PPP2R3A: variants seen among roughly 807,000 people sequenced by gnomAD.
PPP2R3A encodes the protein serine/threonine-protein phosphatase 2A regulatory subunit B'' subunit alpha.
PPP2R3A carries 80 observed loss-of-function variants against 106.9 expected under a neutral mutation model. The observed-to-expected ratio is 0.75, with a 90% confidence interval of 0.62 to 0.90. The LOEUF (loss-of-function observed/expected upper bound fraction) is 0.90. PPP2R3A is among the 40% of genes least tolerant of loss of function. The pLI is 0.00. For missense variants in PPP2R3A, 1,386 were observed against 1,350.4 expected (o/e 1.03, Z -0.41); for synonymous variants, 483 against 468.3 (o/e 1.03, Z -0.41).
chr3:136,126,721 G>A (rs1173550716), intron 13 of PPP2R3A, among the ~76,000 whole-genome samples: 2 of 152,302 alleles, frequency 1.3e-5, no homozygotes, highest in African/African-American at 2.4e-5. Context: ...AGCCTAACGG[G>A]GAGACACCTC....
At chr3:136,139,770 G>A (rs1444450475) in intron 13 of PPP2R3A, among the ~76,000 whole-genome samples, 3 of 151,434 alleles carry the variant, frequency 2.0e-5, no homozygotes, top group Admixed American at 1.3e-4. Flanking sequence ...TTTGGAGGCC[G>A]AGGCAGGCGG....
intron 3 of PPP2R3A, among the ~76,000 whole-genome samples, chr3:136,033,913 C>T (rs1415982093): frequency 6.6e-6 from 1 of 151,052 alleles, no homozygotes; most frequent in Non-Finnish European, 1.5e-5. Flanking sequence ...TGCTCTGATC[C>T]TGGTCATTTC....
At position 135,968,742 on chromosome 3, in the gene PPP2R3A, T is replaced by C. The variant is rs578046945; in HGVS notation, c.-441+2893T>C. ...AAAGGAATAACCACTGATACTAGTT[T>C]TGTATATCATTGTAGACATTTTTTG... On this transcript the variant is annotated intron_variant, in intron 1 of 13. Coordinates refer to ENST00000264977, the MANE Select transcript of PPP2R3A (RefSeq NM_002718.5). Among the ~76,000 whole-genome samples the C allele has an allele frequency of 6.6e-5, 10 of 152,358 alleles. No homozygotes were observed. The East Asian group carries it at 1.7e-3, about 26-fold the overall frequency.
At chr3:136,088,459 G>A (rs962834991) in intron 9 of PPP2R3A, among the ~76,000 whole-genome samples, 1 of 152,156 alleles carries the variant, frequency 6.6e-6, no homozygotes, top group African/African-American at 2.4e-5. Flanking sequence ...AGTATTCAAT[G>A]GTATATATGT....
Position 136,146,902 on chromosome 3 carries a change from T to C in PPP2R3A, c.*1736T>C, listed in dbSNP as rs576234657. 6 of 152,080 alleles carry C rather than the reference T, an allele frequency of 3.9e-5. 1 individual carries two copies. The South Asian group carries it at 1.0e-3, about 26-fold the overall frequency. 9.4% of individuals were successfully genotyped at this position (152,080 alleles called of 1,614,324 possible). ...AAAAATACTTTTCTTAGAAGCCAGA[T>C]ATGGTTTAAATGTTTTATTATCCAT... On this transcript the variant is annotated 3_prime_UTR_variant, in exon 14 of 14. Coordinates refer to ENST00000264977, the MANE Select transcript of PPP2R3A (RefSeq NM_002718.5).
At chr3:136,015,089 A>AT (rs757799427) in intron 2 of PPP2R3A, among the ~76,000 whole-genome samples, 4 of 151,812 alleles carry the variant, frequency 2.6e-5, no homozygotes, top group Non-Finnish European at 5.9e-5. Context: ...TGATCATGTG[A>AT]TTTTTGTTTT....
In PPP2R3A at chr3:136,053,466, C is replaced by T. The variant is rs77560664; in HGVS notation, c.2469+4105C>T. Among the ~76,000 whole-genome samples the T allele has an allele frequency of 1.6e-3, 238 of 152,268 alleles. 1 individual carries two copies. Among genetic ancestry groups the T allele is most frequent in the East Asian group, 0.015 (76 of 5,184 alleles). ...AAGTGGTGAAGTGAGCTCCTGTGCT[C>T]ATCAAGGCCCAGAGCAGTTGTAAAT... On this transcript the variant is annotated intron_variant, in intron 5 of 13. Coordinates refer to ENST00000264977, the MANE Select transcript of PPP2R3A (RefSeq NM_002718.5).
At chr3:136,022,707 C>A in intron 2 of PPP2R3A, 1 of 972,670 alleles carries the variant, frequency 1.0e-6, no homozygotes, top group Non-Finnish European at 1.2e-6. Flanking sequence ...ATGTTTCTAA[C>A]TTTGGTACAC....
chr3:136,099,937 A>G (rs1361801611), intron 10 of PPP2R3A, among the ~76,000 whole-genome samples: 5 of 151,286 alleles, frequency 3.3e-5, no homozygotes, highest in Admixed American at 3.3e-4. Context: ...AAAAAAAGAG[A>G]AGGAGGGAAA....
intron 7 of PPP2R3A, among the ~76,000 whole-genome samples, chr3:136,081,875 A>T (rs1029561016): frequency 6.6e-6 from 1 of 152,156 alleles, no homozygotes; most frequent in Non-Finnish European, 1.5e-5. Context: ...GTTGATGCCT[A>T]CCCCTCTTAA....
At chr3:136,087,413 A>G (rs1936980970) in intron 8 of PPP2R3A, 1 of 148,554 alleles carries the variant, frequency 6.7e-6, no homozygotes, top group Non-Finnish European at 1.5e-5. Context: ...AAATGGGAAT[A>G]TAAGAAAAGT....
chr3:135,998,517 A>T (rs1000313231), intron 1 of PPP2R3A, among the ~76,000 whole-genome samples: 1 of 152,232 alleles, frequency 6.6e-6, no homozygotes. Flanking sequence ...AGTCCAAGAA[A>T]ACATGGAGAA....
intron 3 of PPP2R3A, among the ~76,000 whole-genome samples, chr3:136,036,406 G>C (rs1267166354): frequency 6.6e-6 from 1 of 152,126 alleles, no homozygotes; most frequent in African/African-American, 2.4e-5. Flanking sequence ...TGTCCCACAG[G>C]GTGTTCCCTT....
At position 136,001,411 on chromosome 3, in the gene PPP2R3A, A is replaced by G. The variant is rs185635419; in HGVS notation, c.-88A>G. 4.6e-6 allele frequency: 5 copies of G among 1,098,872 alleles called. No individual in the cohort carries two copies. The highest frequency in any genetic ancestry group is 2.4e-5 in the East Asian group (1 of 42,174). The allele number at this position is 1,098,872 out of a possible 1,614,324, so 68.1% of individuals were successfully genotyped here. ...AAACCACTGAACATTGTTATTAAAT[A>G]TATTTTCAGCTAACTGTCATTTAGG... On this transcript the variant is annotated 5_prime_UTR_variant, in exon 2 of 14. It adds an upstream start codon to the 5' untranslated region. Coordinates refer to ENST00000264977, the MANE Select transcript of PPP2R3A (RefSeq NM_002718.5).
chr3:136,080,181 G>GT (rs1271331961), intron 7 of PPP2R3A, among the ~76,000 whole-genome samples: 1 of 152,014 alleles, frequency 6.6e-6, no homozygotes, highest in Non-Finnish European at 1.5e-5. Flanking sequence ...GTGTCTCAGG[G>GT]TTTTTTTCAT....
chr3:136,117,371 ATAAG>A (rs1200377134), intron 13 of PPP2R3A, among the ~76,000 whole-genome samples: 1 of 152,204 alleles, frequency 6.6e-6, no homozygotes, highest in Non-Finnish European at 1.5e-5. Flanking sequence ...AAGCCAAGAA[ATAAG>A]TAAGATCAGA....
intron 8 of PPP2R3A, among the ~76,000 whole-genome samples, chr3:136,086,241 T>A (rs148729703): frequency 2.9e-4 from 44 of 152,204 alleles, no homozygotes; most frequent in African/African-American, 1.0e-3. Context: ...CCCAGCACTT[T>A]GGGAGGCCAA....
intron 5 of PPP2R3A, 70 bp downstream of exon 5, chr3:136,049,431 A>T (rs748688705): frequency 2.2e-5 from 25 of 1,117,430 alleles, no homozygotes; most frequent in Non-Finnish European, 3.1e-5. Flanking sequence ...AAAATTTACA[A>T]CTATAACATG....
intron 5 of PPP2R3A, among the ~76,000 whole-genome samples, chr3:136,053,569 G>A (rs1935755655): frequency 6.6e-6 from 1 of 152,150 alleles, no homozygotes; most frequent in Non-Finnish European, 1.5e-5. Flanking sequence ...ATCACTAGTT[G>A]ACTCCTTTCC....
Sources: allele counts gnomAD v4.1 joint callset (sites outside exome capture counted in the v4.1 genomes callset), GRCh38; gene constraint gnomAD v4.1.1; transcripts MANE v1.5; gene names NCBI Gene and HGNC (gene_info 2026-07-23, HGNC 2026-07-21).